Variants in MAP2K6 observed in about 807,000 individuals in gnomAD.
MAP2K6 encodes the protein dual specificity mitogen-activated protein kinase kinase 6.
In MAP2K6, 16 loss-of-function variants were observed where a neutral mutation model predicts 53.7. The observed-to-expected ratio is 0.30, with a 90% confidence interval of 0.20 to 0.45. MAP2K6 has a LOEUF of 0.45. Ranked by LOEUF, MAP2K6 falls within the 20% of genes least tolerant of loss-of-function variation. The pLI is 1.00. For missense variants in MAP2K6, 204 were observed against 411.9 expected (o/e 0.50, Z 4.37); for synonymous variants, 132 against 143.1 (o/e 0.92, Z 0.55).
intron 1 of MAP2K6, among the ~76,000 whole-genome samples, chr17:69,479,090 A>G (rs1386153614): frequency 6.6e-6 from 1 of 152,190 alleles, no homozygotes; most frequent in African/African-American, 2.4e-5. Context: ...CTGAAAAATA[A>G]TGTGGTTGTG....
chr17:69,512,328 GTTTTTTTTTTGTTTTT>G (rs1158069427), intron 2 of MAP2K6, among the ~76,000 whole-genome samples: 3 of 75,184 alleles, frequency 4.0e-5, no homozygotes, highest in African/African-American at 9.8e-5. Context: ...CTTTCTAAGT[GTTTTTTTTTTGTTTTT>G]TTTTTTTTTT....
intron 11 of MAP2K6, among the ~76,000 whole-genome samples, chr17:69,538,180 A>G (rs1415622124): frequency 1.2e-4 from 18 of 152,146 alleles, no homozygotes; most frequent in Admixed American, 5.9e-4. Flanking sequence ...TAAAGTTGCC[A>G]TGTTTTGTAA....
intron 8 of MAP2K6, 110 bp downstream of exon 8, chr17:69,523,751 C>A: frequency 7.5e-7 from 1 of 1,335,252 alleles, no homozygotes; most frequent in South Asian, 1.3e-5. Flanking sequence ...CCTAAGACTC[C>A]AGAAGTAGTC....
intron 1 of MAP2K6, among the ~76,000 whole-genome samples, chr17:69,438,401 A>G (rs1906715535): frequency 1.3e-5 from 2 of 152,216 alleles, no homozygotes; most frequent in South Asian, 2.1e-4. Flanking sequence ...ACAAAAAATT[A>G]TATGGAAGTC....
chr17:69,532,762 A>T (rs1911146834), intron 10 of MAP2K6, among the ~76,000 whole-genome samples: 1 of 152,166 alleles, frequency 6.6e-6, no homozygotes, highest in African/African-American at 2.4e-5. Context: ...TATATTCTGC[A>T]GTAGTGTTTG....
At chr17:69,461,658 G>C (rs1218474961) in intron 1 of MAP2K6, among the ~76,000 whole-genome samples, 1 of 152,016 alleles carries the variant, frequency 6.6e-6, no homozygotes, top group Non-Finnish European at 1.5e-5. Flanking sequence ...TATCTCCAAG[G>C]CCCCCCAGGG....
chr17:69,432,754 C>T (rs980043191), intron 1 of MAP2K6, among the ~76,000 whole-genome samples: 3 of 150,030 alleles, frequency 2.0e-5, no homozygotes, highest in Admixed American at 6.7e-5. Context: ...CCATTGCACA[C>T]GTTTACCTAT....
At chr17:69,533,731 G>GTTTTTTTTT (rs199915836) in intron 10 of MAP2K6, among the ~76,000 whole-genome samples, 2 of 114,986 alleles carry the variant, frequency 1.7e-5, no homozygotes, top group Non-Finnish European at 1.8e-5. Flanking sequence ...CTTCTAGCCT[G>GTTTTTTTTT]TTTGTTTTTT....
At chr17:69,530,849 A>G (rs1196606946) in intron 10 of MAP2K6, among the ~76,000 whole-genome samples, 1 of 152,066 alleles carries the variant, frequency 6.6e-6, no homozygotes, top group South Asian at 2.1e-4. Context: ...TTAGCCATCT[A>G]GTGATTTTAC....
At chr17:69,502,860 G>C (rs546432465) in intron 1 of MAP2K6, among the ~76,000 whole-genome samples, 5 of 152,262 alleles carry the variant, frequency 3.3e-5, no homozygotes, top group African/African-American at 1.2e-4. Context: ...TCTTTGTATA[G>C]ATGTTTTGGT....
At position 69,526,655 on chromosome 17, in the gene MAP2K6, C is replaced by CACA; in HGVS notation, c.830_832dup (p.Gln277dup). 1 of 1,614,086 alleles carries CACA rather than the reference C, an allele frequency of 6.2e-7. No individual in the cohort carries two copies. Among genetic ancestry groups the CACA allele is most frequent in the Non-Finnish European group, 8.5e-7 (1 of 1,180,026 alleles). On this transcript the variant is annotated inframe_insertion, in exon 10 of 12. Transcript: ENST00000590474. ...AAACAGGTGGTAGAGGAGCCATCGCCACAACTCCCAGCAGACAAGTTCTCT... is the reference window on the plus strand; with the variant it reads ...AAACAGGTGGTAGAGGAGCCATCGCCACAACAACTCCCAGCAGACAAGTTCTCT...
At chr17:69,458,049 T>C (rs11657838) in intron 1 of MAP2K6, among the ~76,000 whole-genome samples, 15,327 of 152,138 alleles carry the variant, frequency 0.1, 927 homozygotes, top group South Asian at 0.16. Context: ...CTGTCCCTCC[T>C]TCTTTCTTTC....
intron 1 of MAP2K6, among the ~76,000 whole-genome samples, chr17:69,468,763 T>C (rs138721005): frequency 2.0e-5 from 3 of 152,274 alleles, no homozygotes; most frequent in African/African-American, 7.2e-5. Flanking sequence ...TCTTTTCTGC[T>C]TATCACTAGA....
chr17:69,483,800 C>T (rs1026097625), intron 1 of MAP2K6, among the ~76,000 whole-genome samples: 9 of 152,050 alleles, frequency 5.9e-5, no homozygotes, highest in Non-Finnish European at 1.2e-4. Flanking sequence ...CTTGCATTTA[C>T]AATCAGTTGA....
chr17:69,417,192 A>G (rs1368859431), intron 1 of MAP2K6, among the ~76,000 whole-genome samples: 1 of 152,248 alleles, frequency 6.6e-6, no homozygotes, highest in East Asian at 1.9e-4. Flanking sequence ...CCTGGACTTT[A>G]AATGTGGAAT....
chr17:69,452,743 G>A (rs1195288652), intron 1 of MAP2K6, among the ~76,000 whole-genome samples: 2 of 152,200 alleles, frequency 1.3e-5, no homozygotes, highest in African/African-American at 2.4e-5. Context: ...GAACTATGGG[G>A]ATAATTTTAA....
intron 10 of MAP2K6, among the ~76,000 whole-genome samples, chr17:69,535,163 G>C (rs1325559194): frequency 6.6e-6 from 1 of 152,154 alleles, no homozygotes; most frequent in Non-Finnish European, 1.5e-5. Flanking sequence ...ATAACCAGAA[G>C]TCACCTGACA....
chr17:69,419,350 A>G (rs776533425), intron 1 of MAP2K6, among the ~76,000 whole-genome samples: 7 of 152,200 alleles, frequency 4.6e-5, no homozygotes, highest in Non-Finnish European at 5.9e-5. Context: ...TGCCCTTCAT[A>G]GAGGTAACAC....
intron 1 of MAP2K6, among the ~76,000 whole-genome samples, chr17:69,483,770 C>T (rs542492168): frequency 1.3e-5 from 2 of 151,980 alleles, no homozygotes; most frequent in Non-Finnish European, 2.9e-5. Flanking sequence ...GGAATAGAAT[C>T]GAAAGTCCAT....
Sources: allele counts gnomAD v4.1 joint callset (sites outside exome capture counted in the v4.1 genomes callset), GRCh38; gene constraint gnomAD v4.1.1; transcripts MANE v1.5; gene names NCBI Gene and HGNC (gene_info 2026-07-23, HGNC 2026-07-21).